The following CAMTA1 variants were observed in gnomAD, a reference collection of about 807,000 sequenced individuals.
CAMTA1 encodes the protein calmodulin binding transcription activator 1.
A neutral mutation model predicts 170.9 loss-of-function variants in CAMTA1; 27 were observed. That is an observed-to-expected ratio of 0.16 (90% CI 0.12 to 0.22). The LOEUF (loss-of-function observed/expected upper bound fraction) is 0.22, where lower values mean the gene tolerates loss of function less well. Among genes scored for constraint, CAMTA1 ranks in the 10% least tolerant of loss-of-function variants. The pLI is 1.00. For synonymous variants in CAMTA1, 833 were observed against 891.5 expected (o/e 0.93, Z 1.17); for missense variants, 1,619 against 2,217.2 (o/e 0.73, Z 5.42).
chr1:7,137,280 T>C (rs1305335772), intron 4 of CAMTA1, among the ~76,000 whole-genome samples: 1 of 152,142 alleles, frequency 6.6e-6, no homozygotes, highest in East Asian at 1.9e-4. Context: ...CTCACCTTTC[T>C]CCTGAACTGT....
chr1:7,434,807 G>A (rs910809374), intron 5 of CAMTA1, among the ~76,000 whole-genome samples: 4 of 151,334 alleles, frequency 2.6e-5, no homozygotes, highest in East Asian at 3.9e-4. Flanking sequence ...CTGGGAGACC[G>A]AGGCAGGCTG....
chr1:7,735,460 GAAA>G (rs954079854), intron 12 of CAMTA1, among the ~76,000 whole-genome samples: 2 of 146,176 alleles, frequency 1.4e-5, no homozygotes, highest in African/African-American at 5.0e-5. Context: ...AAAAAAAAAA[GAAA>G]AAAGAAGAAG....
At chr1:7,256,673 T>C (rs1451843925) in intron 5 of CAMTA1, among the ~76,000 whole-genome samples, 2 of 152,250 alleles carry the variant, frequency 1.3e-5, no homozygotes, top group African/African-American at 4.8e-5. Context: ...CTTAGCCACA[T>C]CTAGTTGCTA....
At chr1:6,910,964 T>C (rs1156538477) in intron 3 of CAMTA1, among the ~76,000 whole-genome samples, 1 of 152,164 alleles carries the variant, frequency 6.6e-6, no homozygotes, top group East Asian at 1.9e-4. Context: ...GAGCTGTGTG[T>C]CCCCATTGCT....
At chr1:7,324,665 A>G (rs1385281771) in intron 5 of CAMTA1, among the ~76,000 whole-genome samples, 1 of 152,054 alleles carries the variant, frequency 6.6e-6, no homozygotes, top group Non-Finnish European at 1.5e-5. Flanking sequence ...AAAATTAGCC[A>G]GGCGTGGTGG....
chr1:6,973,037 A>C lies in CAMTA1; in HGVS notation c.235-118267A>C, dbSNP rs541378519. On this transcript the variant is annotated intron_variant, in intron 3 of 22. Transcript: ENST00000303635. ...TGGCTAATTTTTGTATTTTTAGTAG[A>C]GATGGGGTTTTGTCACGTTGGCCAG... Among the ~76,000 whole-genome samples the C allele has an allele frequency of 2.0e-5, 3 of 152,128 alleles. No homozygotes were observed. The South Asian group carries it at 6.2e-4, about 32-fold the overall frequency.
At chr1:7,262,214 A>C (rs1668277530) in intron 5 of CAMTA1, among the ~76,000 whole-genome samples, 1 of 152,126 alleles carries the variant, frequency 6.6e-6, no homozygotes, top group Admixed American at 6.6e-5. Flanking sequence ...GTCCATGAAC[A>C]AGTGAGTTTT....
intron 3 of CAMTA1, among the ~76,000 whole-genome samples, chr1:6,897,938 T>A (rs1440272699): frequency 6.6e-6 from 1 of 152,218 alleles, no homozygotes; most frequent in Non-Finnish European, 1.5e-5. Flanking sequence ...GCTAAGATAT[T>A]TGCAGAAATT....
At chr1:7,085,670 G>A (rs979744586) in intron 3 of CAMTA1, among the ~76,000 whole-genome samples, 22 of 152,256 alleles carry the variant, frequency 1.4e-4, no homozygotes, top group Admixed American at 9.2e-4. Context: ...GCACATGGGC[G>A]CTGAGGCGTG....
intron 3 of CAMTA1, among the ~76,000 whole-genome samples, chr1:7,090,550 G>C (rs912523599): frequency 6.6e-6 from 1 of 152,146 alleles, no homozygotes; most frequent in African/African-American, 2.4e-5. Flanking sequence ...ATCATGCCTC[G>C]AGCTGGAGCA....
At chr1:7,475,942 G>T (rs981652197) in intron 6 of CAMTA1, among the ~76,000 whole-genome samples, 1 of 152,208 alleles carries the variant, frequency 6.6e-6, no homozygotes, top group Non-Finnish European at 1.5e-5. Context: ...GAGCAGAGAT[G>T]AGAAGGAAGA....
intron 11 of CAMTA1, among the ~76,000 whole-genome samples, chr1:7,710,530 T>C (rs570187734): frequency 6.4e-4 from 95 of 148,312 alleles, no homozygotes; most frequent in African/African-American, 2.3e-3. Context: ...AGCCCAGGAG[T>C]TTGAGGCTGC....
At chr1:6,973,275 C>T (rs1375356149) in intron 3 of CAMTA1, among the ~76,000 whole-genome samples, 3 of 152,156 alleles carry the variant, frequency 2.0e-5, no homozygotes, top group Non-Finnish European at 4.4e-5. Context: ...ACATCAACTC[C>T]CTATTTCCTC....
intron 6 of CAMTA1, among the ~76,000 whole-genome samples, chr1:7,554,792 A>G (rs938396570): frequency 1.3e-5 from 2 of 151,898 alleles, no homozygotes; most frequent in African/African-American, 2.4e-5. Flanking sequence ...GGAACCCCTT[A>G]TCTTGGCTTG....
At chr1:7,348,823 A>G (rs1207759394) in intron 5 of CAMTA1, among the ~76,000 whole-genome samples, 1 of 152,202 alleles carries the variant, frequency 6.6e-6, no homozygotes, top group East Asian at 1.9e-4. Flanking sequence ...CGTTCACTGT[A>G]TTACGACCCT....
In CAMTA1 at chr1:7,644,278, C is replaced by G. The variant is rs139249571; in HGVS notation, c.664+3725C>G. Among the ~76,000 whole-genome samples, 220 of 152,244 alleles carry G rather than the reference C, an allele frequency of 1.4e-3. 2 individuals carry two copies. Among genetic ancestry groups the G allele is most frequent in the South Asian group, 7.5e-3 (36 of 4,820 alleles). The stretch of plus-strand genomic sequence containing the variant: ...GGTCAGAAGGGGGCTTCCCTTCCAC[C>G]TGCAATCTGAGGAATGCTTCCTTCA... On this transcript the variant is annotated intron_variant, in intron 7 of 22. Transcript: ENST00000303635.
intron 6 of CAMTA1, among the ~76,000 whole-genome samples, chr1:7,470,078 G>C (rs913138689): frequency 7.9e-5 from 12 of 152,196 alleles, no homozygotes; most frequent in Non-Finnish European, 1.2e-4. Context: ...CCGAGCTGGG[G>C]CCTCTTCATC....
At chr1:7,352,321 G>T (rs904820562) in intron 5 of CAMTA1, among the ~76,000 whole-genome samples, 1 of 152,182 alleles carries the variant, frequency 6.6e-6, no homozygotes, top group Non-Finnish European at 1.5e-5. Context: ...TTTGTCATCT[G>T]GGAGGTGACA....
intron 4 of CAMTA1, among the ~76,000 whole-genome samples, chr1:7,227,490 G>C (rs377481202): frequency 1.3e-4 from 20 of 152,144 alleles, no homozygotes; most frequent in African/African-American, 4.6e-4. Context: ...ACCATGCCTG[G>C]CTAATTTTTT....
Sources: allele counts gnomAD v4.1 joint callset (sites outside exome capture counted in the v4.1 genomes callset), GRCh38; gene constraint gnomAD v4.1.1; transcripts MANE v1.5; gene names NCBI Gene and HGNC (gene_info 2026-07-23, HGNC 2026-07-21).